MYH9: variants seen among roughly 807,000 people sequenced by gnomAD.
MYH9 encodes the protein myosin heavy chain 9, also known as myosin-9.
A neutral mutation model predicts 241.9 loss-of-function variants in MYH9; 29 were observed. The observed-to-expected ratio is 0.12, with a 90% CI of 0.09 to 0.16. MYH9 has a LOEUF of 0.16. MYH9 is among the 10% of genes least tolerant of loss of function. MYH9 has a pLI of 1.00. For synonymous variants in MYH9, 1,047 were observed against 1,062.6 expected (o/e 0.99, Z 0.29); for missense variants, 1,803 against 2,595.5 (o/e 0.69, Z 6.63).
chr22:36,318,758 C>A (rs1214635056), intron 10 of MYH9, among the ~76,000 whole-genome samples: 1 of 152,034 alleles, frequency 6.6e-6, no homozygotes, highest in Non-Finnish European at 1.5e-5. Flanking sequence ...CAGGATCCCA[C>A]AGGAATGTCT....
chr22:36,292,644 C>A (rs1262213883), intron 30 of MYH9, among the ~76,000 whole-genome samples: 1 of 152,224 alleles, frequency 6.6e-6, no homozygotes, highest in Non-Finnish European at 1.5e-5. Flanking sequence ...GCTACTCCTA[C>A]CCTGACTGTG....
chr22:36,318,168 C>T, intron 11 of MYH9, 39 bp downstream of exon 11: 1 of 1,573,078 alleles, frequency 6.4e-7, no homozygotes, highest in African/African-American at 1.4e-5. Flanking sequence ...GGACATTCAC[C>T]CAGGAGGCAG....
chr22:36,377,526 G>A (rs757434878), intron 1 of MYH9, among the ~76,000 whole-genome samples: 27 of 151,914 alleles, frequency 1.8e-4, no homozygotes, highest in African/African-American at 5.3e-4. Context: ...CATCAATGCC[G>A]GGGGCGAGTT....
intron 20 of MYH9, 37 bp downstream of exon 20, chr22:36,302,531 T>C: frequency 1.3e-6 from 2 of 1,526,388 alleles, no homozygotes; most frequent in Non-Finnish European, 1.8e-6. Context: ...TGTGCACCCG[T>C]AGTCCCAGCT....
chr22:36,334,589 A>G (rs1234640983), intron 3 of MYH9, among the ~76,000 whole-genome samples: 1 of 151,886 alleles, frequency 6.6e-6, no homozygotes, highest in African/African-American at 2.4e-5. Context: ...CTCTCGGGAG[A>G]GTGTTTTTGG....
intron 15 of MYH9, among the ~76,000 whole-genome samples, chr22:36,308,241 A>T (rs963653611): frequency 1.3e-5 from 2 of 151,974 alleles, no homozygotes; most frequent in African/African-American, 4.8e-5. Context: ...GGAGGATACA[A>T]ATTTTTAAAC....
rs768688000 is a variant in MYH9, at chr22:36,348,890, C to T, written c.333+14G>A. ...CTCAGACCCAGCCTGCGGGGTGCCA[C>T]GGCAGCCACTTACGTAGATGAGCCC... On this transcript the variant is annotated intron_variant, in intron 2 of 40. Transcript: ENST00000216181. The T allele has an allele frequency of 2.2e-5, 34 of 1,538,366 alleles. No individual in the cohort carries two copies. Among genetic ancestry groups the T allele is most frequent in the Middle Eastern group, 3.5e-4 (2 of 5,724 alleles).
chr22:36,341,880 T>C (rs191713862), intron 2 of MYH9, among the ~76,000 whole-genome samples: 8 of 152,350 alleles, frequency 5.3e-5, no homozygotes, highest in Admixed American at 2.0e-4. Context: ...GAGATGTCTT[T>C]GTCATCGTGA....
At position 36,300,082 on chromosome 22, in the gene MYH9, C is replaced by G. The variant is rs773559963; in HGVS notation, c.2976+45G>C. 3.1e-6 allele frequency: 5 copies of G among 1,604,154 alleles called. No individual in the cohort carries two copies. Among genetic ancestry groups the G allele is most frequent in the Non-Finnish European group, 2.5e-6 (3 of 1,179,896 alleles). On this transcript the variant is annotated intron_variant, in intron 23 of 40. Transcript: ENST00000216181. This position sits in a 1 kb window ranked among gnomAD's most constrained non-coding sequence, Gnocchi z 5.0. ...GCAAGGGTGACCACACTCTCCCATCCACGGCGCCCCTGGAGCAGCGGCAGG... is the reference window on the plus strand; with the variant it reads ...GCAAGGGTGACCACACTCTCCCATCGACGGCGCCCCTGGAGCAGCGGCAGG...
chr22:36,309,241 G>T, intron 15 of MYH9, 41 bp downstream of exon 15: 1 of 1,542,540 alleles, frequency 6.5e-7, no homozygotes, highest in Non-Finnish European at 9.0e-7. Flanking sequence ...ATGACCAGCC[G>T]CAGCCAAGAG....
chr22:36,326,528 C>T (rs549931075), intron 5 of MYH9, 40 bp downstream of exon 5: 4 of 1,572,786 alleles, frequency 2.5e-6, no homozygotes, highest in East Asian at 4.5e-5. Flanking sequence ...CCCACCAAGG[C>T]CAAGCAGGCG....
intron 12 of MYH9, among the ~76,000 whole-genome samples, chr22:36,315,408 C>T (rs1293870285): frequency 2.0e-5 from 3 of 152,120 alleles, no homozygotes; most frequent in Admixed American, 6.5e-5. Context: ...CTGTAAGTAT[C>T]GGTTTCCCTA....
At chr22:36,340,489 C>T (rs1029574521) in intron 3 of MYH9, among the ~76,000 whole-genome samples, 1 of 151,616 alleles carries the variant, frequency 6.6e-6, no homozygotes, top group African/African-American at 2.4e-5. Flanking sequence ...GGCAAAACCC[C>T]GTCTCTACTA....
At chr22:36,345,975 C>T (rs1202275254) in intron 2 of MYH9, among the ~76,000 whole-genome samples, 5 of 152,052 alleles carry the variant, frequency 3.3e-5, no homozygotes, top group East Asian at 1.9e-4. Flanking sequence ...GGGGAAACCC[C>T]GTCTTTACTA....
At chr22:36,355,175 T>G (rs2017836426) in intron 1 of MYH9, among the ~76,000 whole-genome samples, 1 of 151,860 alleles carries the variant, frequency 6.6e-6, no homozygotes, top group Admixed American at 6.6e-5. Flanking sequence ...CCAGTCCAAC[T>G]CCAAGAAACC....
chr22:36,308,376 C>T (rs1251635186), intron 15 of MYH9, among the ~76,000 whole-genome samples: 8 of 151,818 alleles, frequency 5.3e-5, no homozygotes, highest in African/African-American at 9.7e-5. Flanking sequence ...GTGATCCTCC[C>T]GCCTCAGCCT....
At chr22:36,328,025 G>T (rs137951795) in intron 3 of MYH9, among the ~76,000 whole-genome samples, 17 of 152,252 alleles carry the variant, frequency 1.1e-4, no homozygotes, top group Non-Finnish European at 1.6e-4. Context: ...GGACAGGTGC[G>T]CAGGCTTCTC....
intron 10 of MYH9, 133 bp downstream of exon 10, chr22:36,319,406 CT>C (rs1301568360): frequency 4.7e-6 from 4 of 851,396 alleles, no homozygotes; most frequent in Admixed American, 2.0e-5. Flanking sequence ...TGTTTTACAT[CT>C]GTATAGAAAA....
intron 1 of MYH9, among the ~76,000 whole-genome samples, chr22:36,353,876 C>T (rs770255361): frequency 6.6e-6 from 1 of 152,068 alleles, no homozygotes; most frequent in Non-Finnish European, 1.5e-5. Flanking sequence ...CTTACTGTGA[C>T]TATTTTCCTG....
Sources: gnomAD v4.1 joint callset for allele counts (sites outside exome capture counted in the v4.1 genomes callset) on GRCh38, gnomAD v4.1.1 for gene constraint, Gnocchi (gnomAD v3.1) non-coding constraint, MANE v1.5 for transcripts, NCBI Gene and HGNC (gene_info 2026-07-23, HGNC 2026-07-21) for gene names.